RBPJ: variants seen among roughly 807,000 people sequenced by gnomAD.
RBPJ encodes the protein recombination signal binding protein for immunoglobulin kappa J region.
A neutral mutation model predicts 67.8 loss-of-function variants in RBPJ; 9 were observed. The ratio of observed to expected loss-of-function variants is 0.13; its 90% CI spans 0.08 to 0.23. The LOEUF (loss-of-function observed/expected upper bound fraction) is 0.23, where lower values mean the gene tolerates loss of function less well. Ranked by LOEUF, RBPJ falls within the 10% of genes least tolerant of loss-of-function variation. The pLI, the probability that RBPJ is intolerant of heterozygous loss-of-function variation, is 1.00. For synonymous variants in RBPJ, 198 were observed against 203.3 expected (o/e 0.97, Z 0.22); for missense variants, 305 against 595.6 (o/e 0.51, Z 5.08).
chr4:26,230,722 A>C (rs1232617503), intron 1 of RBPJ, among the ~76,000 whole-genome samples: 1 of 152,186 alleles, frequency 6.6e-6, no homozygotes, highest in Non-Finnish European at 1.5e-5. Context: ...CTTACAAATC[A>C]GTTCAGTTCA....
chr4:26,169,545 A>AG (rs1478238785), intron 1 of RBPJ, among the ~76,000 whole-genome samples: 6 of 152,216 alleles, frequency 3.9e-5, no homozygotes, highest in Non-Finnish European at 7.3e-5. Context: ...CTGAGGAGGC[A>AG]GTCTGCCCAT....
rs751554609 is a variant in RBPJ, at chr4:26,264,615, C to G, written c.-166-97831C>G. Among the ~76,000 whole-genome samples the G allele has an allele frequency of 6.6e-6, 1 of 152,216 alleles. No homozygotes were observed. Among genetic ancestry groups the G allele is most frequent in the African/African-American group, 2.4e-5 (1 of 41,448 alleles). On this transcript the variant is annotated intron_variant, in intron 1 of 4. Transcript: ENST00000512351. The surrounding 1 kb of genome is among the most constrained non-coding windows in gnomAD (Gnocchi z 4.1). ...ATATAGGCACATACACTCACACACA[C>G]TTGCTGTCTTCCTCTCTTCCCCATC...
At chr4:26,412,619 G>C (rs1734153019) in intron 3 of RBPJ, among the ~76,000 whole-genome samples, 1 of 152,088 alleles carries the variant, frequency 6.6e-6, no homozygotes, top group Non-Finnish European at 1.5e-5. Context: ...AAACACTGTT[G>C]GTCCCAAGCA....
intron 1 of RBPJ, among the ~76,000 whole-genome samples, chr4:26,342,344 G>A (rs897303851): frequency 6.6e-6 from 1 of 151,666 alleles, no homozygotes; most frequent in Non-Finnish European, 1.5e-5. Flanking sequence ...CCATCGTTTG[G>A]TGAGGGAGGT....
chr4:26,318,631 G>T (rs534848584), upstream of RBPJ, among the ~76,000 whole-genome samples: 2 of 152,006 alleles, frequency 1.3e-5, no homozygotes, highest in Non-Finnish European at 2.9e-5. Flanking sequence ...AGGCGAGAGC[G>T]CAGAGCTGTT....
chr4:26,391,048 C>A (rs1033431345), intron 2 of RBPJ, among the ~76,000 whole-genome samples: 3 of 152,144 alleles, frequency 2.0e-5, no homozygotes, highest in African/African-American at 4.8e-5. Context: ...CAGAGCGAGA[C>A]CCTGTCTCAA....
the RBPJ span, among the ~76,000 whole-genome samples, chr4:26,128,747 A>G: frequency 3.3e-5 from 5 of 152,256 alleles, no homozygotes; most frequent in Admixed American, 6.5e-5. Context: ...AGCTCCCACA[A>G]TTCCTACATG....
chr4:26,305,765 T>G (rs1030286872), intron 1 of RBPJ, among the ~76,000 whole-genome samples: 2 of 135,734 alleles, frequency 1.5e-5, no homozygotes, highest in African/African-American at 2.8e-5. Context: ...CTTAGAATTT[T>G]CTTTTCTTTT....
chr4:26,261,091 A>C (rs76267184), intron 1 of RBPJ, among the ~76,000 whole-genome samples: 3,280 of 152,308 alleles, frequency 0.022, 52 homozygotes, highest in Non-Finnish European at 0.032. Flanking sequence ...CCCACCTCAT[A>C]GATGAGGAAA....
At chr4:26,400,899 A>C (rs570438694) in intron 2 of RBPJ, among the ~76,000 whole-genome samples, 2 of 152,216 alleles carry the variant, frequency 1.3e-5, no homozygotes, top group Non-Finnish European at 2.9e-5. Flanking sequence ...GCTTCCAATA[A>C]ATCTTCAGTG....
intron 2 of RBPJ, among the ~76,000 whole-genome samples, chr4:26,400,902 C>T (rs897753590): frequency 1.3e-5 from 2 of 152,216 alleles, no homozygotes; most frequent in Non-Finnish European, 2.9e-5. Flanking sequence ...TCCAATAAAT[C>T]TTCAGTGGGA....
chr4:26,250,451 C>A (rs1720074238), intron 1 of RBPJ, among the ~76,000 whole-genome samples: 1 of 151,600 alleles, frequency 6.6e-6, no homozygotes. Flanking sequence ...CCTGCCTCAG[C>A]CTCCCAAGTA....
intron 2 of RBPJ, among the ~76,000 whole-genome samples, chr4:26,398,411 A>G (rs1261476627): frequency 6.6e-6 from 1 of 152,198 alleles, no homozygotes; most frequent in African/African-American, 2.4e-5. Flanking sequence ...TCACCGCTAT[A>G]ATTAATGTCC....
At chr4:26,332,663 C>G (rs1185912022) in intron 1 of RBPJ, among the ~76,000 whole-genome samples, 2 of 152,006 alleles carry the variant, frequency 1.3e-5, no homozygotes, top group Non-Finnish European at 2.9e-5. Context: ...TATTTATTTA[C>G]TTCTTGAGAC....
chr4:26,220,312 T>C (rs940782165), intron 1 of RBPJ, among the ~76,000 whole-genome samples: 12 of 152,212 alleles, frequency 7.9e-5, no homozygotes, highest in African/African-American at 2.9e-4. Context: ...TCTGCCTGAT[T>C]GCACCTCAAA....
intron 4 of RBPJ, among the ~76,000 whole-genome samples, chr4:26,417,871 A>G (rs1262361631): frequency 1.3e-5 from 2 of 152,240 alleles, no homozygotes; most frequent in Non-Finnish European, 2.9e-5. Context: ...TACTTATTTT[A>G]AATATTCACT....
At chr4:26,381,643 A>T (rs577475838) in intron 1 of RBPJ, among the ~76,000 whole-genome samples, 4 of 152,168 alleles carry the variant, frequency 2.6e-5, no homozygotes, top group Non-Finnish European at 5.9e-5. Context: ...CCATGGTATT[A>T]TATGAGCCTT....
At chr4:26,195,199 T>C (rs1717709586) in intron 1 of RBPJ, among the ~76,000 whole-genome samples, 1 of 152,174 alleles carries the variant, frequency 6.6e-6, no homozygotes, top group African/African-American at 2.4e-5. Flanking sequence ...CGAGACCTTG[T>C]CTTTACAAAA....
At chr4:26,134,680 G>C in the RBPJ span, among the ~76,000 whole-genome samples, 1 of 152,152 alleles carries the variant, frequency 6.6e-6, no homozygotes, top group Non-Finnish European at 1.5e-5. Flanking sequence ...AGGAGATTCC[G>C]ATAGAAATGG....
Sources: gnomAD v4.1 joint callset for allele counts (sites outside exome capture counted in the v4.1 genomes callset) on GRCh38, gnomAD v4.1.1 for gene constraint, Gnocchi (gnomAD v3.1) non-coding constraint, MANE v1.5 for transcripts, NCBI Gene and HGNC (gene_info 2026-07-23, HGNC 2026-07-21) for gene names.